ADCY9: variants seen among roughly 807,000 people sequenced by gnomAD.
ADCY9 encodes the protein adenylate cyclase 9, also known as adenylate cyclase type 9.
ADCY9 carries 50 observed loss-of-function variants against 101.5 expected under a neutral mutation model. That is an observed-to-expected ratio of 0.49 (90% CI 0.39 to 0.62). The LOEUF (loss-of-function observed/expected upper bound fraction) is 0.62, where lower values mean the gene tolerates loss of function less well. Among genes scored for constraint, ADCY9 ranks in the 20% least tolerant of loss-of-function variants. The pLI is 0.00. For synonymous variants in ADCY9, 905 were observed against 769.3 expected (o/e 1.18, Z -2.92); for missense variants, 1,662 against 1,800.4 (o/e 0.92, Z 1.39).
rs991030104 is a variant in ADCY9 at position 3,984,847 on chromosome 16, C to G, written c.2311-1407G>C. Among the ~76,000 whole-genome samples the G allele has an allele frequency of 7.2e-5, 11 of 152,292 alleles. No homozygotes were observed. In the East Asian group the frequency reaches 2.1e-3, roughly 30 times the overall value. ...ACGGAGCGGAAAGGTCTCCTGGCAG[C>G]CCTGGGTGCGGTGTGCGTTCTTTGG... On this transcript the variant is annotated intron_variant, in intron 6 of 10. Coordinates refer to ENST00000294016, the MANE Select transcript of ADCY9 (RefSeq NM_001116.4).
Position 4,113,970 on chromosome 16 carries a change from G to A in ADCY9, c.1473C>T (p.His491=). 2.5e-6 allele frequency: 4 copies of A among 1,613,948 alleles called. No individual in the cohort carries two copies. Among genetic ancestry groups the A allele is most frequent in the Non-Finnish European group, 3.4e-6 (4 of 1,180,034 alleles). The part of the protein sequence containing the change: ...KEMVNMRVGV[H]TGTVLCGILG... ...GGATGCCGCAAAGGACGGTGCCCGT[G>A]TGCACCCCGACTCTCATGTTCACCA... is the stretch of plus-strand genomic sequence containing the variant. Residue 491 remains histidine, a synonymous_variant, in exon 2 of 11, where the codon CAC becomes CAT. Coordinates refer to ENST00000294016, the MANE Select transcript of ADCY9 (RefSeq NM_001116.4).
At chr16:3,970,503 T>G (rs886435994) in intron 10 of ADCY9, among the ~76,000 whole-genome samples, 1 of 152,036 alleles carries the variant, frequency 6.6e-6, no homozygotes, top group Non-Finnish European at 1.5e-5. Flanking sequence ...ATTTTTGTAT[T>G]TTTTAGTAGA....
chr16:4,089,090 TTTTTG>T lies in ADCY9; in HGVS notation c.1693+24655_1693+24659del, dbSNP rs543201132. Among the ~76,000 whole-genome samples the T allele has an allele frequency of 2.0e-3, 311 of 151,776 alleles. 2 individuals carry two copies. Among genetic ancestry groups the T allele is most frequent in the African/African-American group, 6.6e-3 (275 of 41,434 alleles). On this transcript the variant is annotated intron_variant, in intron 2 of 10. Coordinates refer to ENST00000294016, the MANE Select transcript of ADCY9 (RefSeq NM_001116.4). The stretch of plus-strand genomic sequence containing the variant: ...AATCATATAAAACGTGGCATTTGGG[TTTTTG>T]TTTTGTTTTGTTTTGAGACAGAGAT...
chr16:4,073,156 G>A (rs879744391), intron 2 of ADCY9, among the ~76,000 whole-genome samples: 2 of 151,912 alleles, frequency 1.3e-5, no homozygotes, highest in Non-Finnish European at 2.9e-5. Context: ...ATGCAGTGAC[G>A]TGATCTCAGC....
intron 2 of ADCY9, among the ~76,000 whole-genome samples, chr16:4,041,711 A>G (rs541559963): frequency 6.6e-6 from 1 of 151,654 alleles, no homozygotes; most frequent in East Asian, 1.9e-4. Flanking sequence ...TTGATGATTC[A>G]TGAGTCTAAA....
At chr16:3,978,315 T>G (rs1597139760) in intron 8 of ADCY9, among the ~76,000 whole-genome samples, 1 of 151,004 alleles carries the variant, frequency 6.6e-6, no homozygotes, top group East Asian at 2.0e-4. Flanking sequence ...GGGGCTAAAG[T>G]GTCAAACACC....
downstream of ADCY9, among the ~76,000 whole-genome samples, chr16:3,959,952 G>C (rs2540029): frequency 1.1e-4 from 17 of 152,162 alleles, no homozygotes; most frequent in African/African-American, 3.9e-4. Flanking sequence ...TTTGAACCCA[G>C]GAGGTGGAGG....
At chr16:4,106,835 G>A (rs1423400962) in intron 2 of ADCY9, among the ~76,000 whole-genome samples, 1 of 152,260 alleles carries the variant, frequency 6.6e-6, no homozygotes, top group South Asian at 2.1e-4. Context: ...TGACCAATAT[G>A]CAGAAACATA....
chr16:4,028,324 A>G (rs1243440537), intron 2 of ADCY9, among the ~76,000 whole-genome samples: 1 of 152,220 alleles, frequency 6.6e-6, no homozygotes, highest in Non-Finnish European at 1.5e-5. Context: ...AGCTCTGTTT[A>G]TTACAGCCAA....
chr16:4,044,289 G>T (rs113578711), intron 2 of ADCY9, among the ~76,000 whole-genome samples: 1,886 of 152,174 alleles, frequency 0.012, 17 homozygotes, highest in African/African-American at 0.019. Flanking sequence ...GGAGGTTGCA[G>T]TGGGCTGAGA....
chr16:4,042,805 T>C (rs1195267300), intron 2 of ADCY9, among the ~76,000 whole-genome samples: 2 of 152,238 alleles, frequency 1.3e-5, no homozygotes, highest in African/African-American at 2.4e-5. Flanking sequence ...ACTTTACCTA[T>C]AAAATGCTTT....
At chr16:4,083,617 A>G (rs79728236) in intron 2 of ADCY9, among the ~76,000 whole-genome samples, 7,435 of 152,306 alleles carry the variant, frequency 0.049, 633 homozygotes, top group African/African-American at 0.17. Context: ...ATATCCATCA[A>G]CTGAGGAATG....
chr16:4,040,294 C>T (rs1320090126), intron 2 of ADCY9, among the ~76,000 whole-genome samples: 5 of 152,038 alleles, frequency 3.3e-5, no homozygotes, highest in East Asian at 1.9e-4. Context: ...TAGTTTGTTG[C>T]GGTGAGGTTG....
Position 3,965,580 on chromosome 16 carries a change from G to A in ADCY9, c.*195C>T. 2 of 618,742 alleles carry A rather than the reference G, an allele frequency of 3.2e-6. No individual in the cohort carries two copies. The highest frequency in any genetic ancestry group is 4.1e-5 in the South Asian group (2 of 48,382). 38.3% of individuals were successfully genotyped at this position (618,742 alleles called of 1,614,324 possible). ...ACCCAGAGGCAGCGGGGTTTCCAGG[G>A]AAGGGAGCGAAAGGGAAGAATGGAT... On this transcript the variant is annotated 3_prime_UTR_variant, in exon 11 of 11. Coordinates refer to ENST00000294016, the MANE Select transcript of ADCY9 (RefSeq NM_001116.4).
At chr16:4,068,925 TA>T (rs375636336) in intron 2 of ADCY9, among the ~76,000 whole-genome samples, 17 of 152,170 alleles carry the variant, frequency 1.1e-4, no homozygotes, top group African/African-American at 4.1e-4. Flanking sequence ...GGACAGACCA[TA>T]ATTTCCACCT....
intron 7 of ADCY9, among the ~76,000 whole-genome samples, chr16:3,981,194 G>C (rs1171078172): frequency 1.3e-5 from 2 of 152,330 alleles, no homozygotes; most frequent in South Asian, 2.1e-4. Flanking sequence ...ACCTTCACCA[G>C]ATCCTTGGGG....
intron 2 of ADCY9, among the ~76,000 whole-genome samples, chr16:4,101,152 T>C (rs930366890): frequency 2.0e-5 from 3 of 152,236 alleles, no homozygotes; most frequent in African/African-American, 7.2e-5. Flanking sequence ...TAGTATCCCT[T>C]TCTGGCTGTG....
intron 2 of ADCY9, among the ~76,000 whole-genome samples, chr16:4,112,222 G>A (rs1040865878): frequency 2.0e-5 from 3 of 152,126 alleles, no homozygotes; most frequent in East Asian, 1.9e-4. Flanking sequence ...CGCCCTAAAC[G>A]GAAAGACACT....
intron 3 of ADCY9, among the ~76,000 whole-genome samples, chr16:4,002,207 T>C (rs1437845196): frequency 6.6e-6 from 1 of 152,226 alleles, no homozygotes; most frequent in Non-Finnish European, 1.5e-5. Context: ...AATAAATACC[T>C]ATTTAATTTC....
Sources: allele counts gnomAD v4.1 joint callset (sites outside exome capture counted in the v4.1 genomes callset), GRCh38; gene constraint gnomAD v4.1.1; transcripts MANE v1.5; gene names NCBI Gene and HGNC (gene_info 2026-07-23, HGNC 2026-07-21).